The following SGCD variants were observed in gnomAD, a reference collection of about 807,000 sequenced individuals.
The protein encoded by SGCD is delta-sarcoglycan.
Under a neutral mutation model 36.6 loss-of-function variants are expected in SGCD, and 18 were observed. The observed-to-expected ratio is 0.49, with a 90% confidence interval of 0.34 to 0.73. SGCD has a LOEUF of 0.73. SGCD is among the 30% of genes least tolerant of loss of function. The pLI is 0.01. For missense variants in SGCD, 387 were observed against 346.7 expected, an observed-to-expected ratio of 1.12 and a Z score of -0.92; for synonymous variants, 133 against 130.6, an observed-to-expected ratio of 1.02 and a Z score of -0.12.
intron 7 of SGCD, among the ~76,000 whole-genome samples, chr5:156,689,779 G>T (rs371695260): frequency 5.1e-4 from 78 of 152,244 alleles, no homozygotes; most frequent in African/African-American, 1.8e-3. Flanking sequence ...GATTATTCAA[G>T]ATTAAAGATA....
chr5:156,318,929 G>T (rs4705001), intron 3 of SGCD, among the ~76,000 whole-genome samples: 1 of 152,092 alleles, frequency 6.6e-6, no homozygotes, highest in South Asian at 2.1e-4. Flanking sequence ...ACATTCTTTC[G>T]TTAGATGTGC....
chr5:155,991,907 T>C (rs1758439759), intron 1 of SGCD, among the ~76,000 whole-genome samples: 1 of 152,256 alleles, frequency 6.6e-6, no homozygotes, highest in Non-Finnish European at 1.5e-5. Flanking sequence ...GCGATATTTT[T>C]TGATAGCACT....
intron 1 of SGCD, among the ~76,000 whole-genome samples, chr5:155,926,065 C>T (rs2113382785): frequency 6.6e-6 from 1 of 152,196 alleles, no homozygotes; most frequent in South Asian, 2.1e-4. Context: ...GCTTGGCCCC[C>T]AACTTTCATC....
chr5:156,576,480 G>C (rs1247164412), intron 4 of SGCD, among the ~76,000 whole-genome samples: 1 of 152,152 alleles, frequency 6.6e-6, no homozygotes, highest in Non-Finnish European at 1.5e-5. Context: ...TCTAGTTCTA[G>C]ATCCTTGAGG....
At chr5:156,611,380 T>C (rs147739619) in intron 6 of SGCD, among the ~76,000 whole-genome samples, 1 of 152,288 alleles carries the variant, frequency 6.6e-6, no homozygotes, top group East Asian at 1.9e-4. Flanking sequence ...GCATGCTGAG[T>C]ATTGTTTTTT....
intron 1 of SGCD, among the ~76,000 whole-genome samples, chr5:155,961,055 T>C (rs559705790): frequency 3.9e-5 from 6 of 152,222 alleles, no homozygotes; most frequent in African/African-American, 1.2e-4. Context: ...ACACTTTCCT[T>C]TTGTTACAAC....
At chr5:156,206,357 A>G (rs1561564914) in intron 3 of SGCD, among the ~76,000 whole-genome samples, 1 of 151,860 alleles carries the variant, frequency 6.6e-6, no homozygotes, top group Non-Finnish European at 1.5e-5. Context: ...TTGTGGACAT[A>G]TTTTTTTGGA....
chr5:156,526,209 A>C (rs973981426), intron 4 of SGCD, among the ~76,000 whole-genome samples: 2 of 151,990 alleles, frequency 1.3e-5, no homozygotes, highest in Non-Finnish European at 2.9e-5. Context: ...GGAAGGAGGG[A>C]GATAAAGATG....
intron 7 of SGCD, among the ~76,000 whole-genome samples, chr5:156,713,594 C>T (rs1396253557): frequency 6.6e-6 from 1 of 152,136 alleles, no homozygotes; most frequent in African/African-American, 2.4e-5. Flanking sequence ...GTTAATCTTT[C>T]CTAGATCCAG....
At chr5:155,833,886 G>A in the SGCD span, among the ~76,000 whole-genome samples, 1 of 152,208 alleles carries the variant, frequency 6.6e-6, no homozygotes, top group Non-Finnish European at 1.5e-5. Flanking sequence ...AGTGAATACA[G>A]AATGCAAAAT....
At chr5:156,421,640 T>A (rs1400546729) in intron 3 of SGCD, among the ~76,000 whole-genome samples, 1 of 151,998 alleles carries the variant, frequency 6.6e-6, no homozygotes, top group Non-Finnish European at 1.5e-5. Context: ...AGCAGATAGG[T>A]CATATCTCAA....
intron 1 of SGCD, among the ~76,000 whole-genome samples, chr5:156,042,185 G>T (rs1235530558): frequency 7.2e-6 from 1 of 138,438 alleles, no homozygotes; most frequent in Non-Finnish European, 1.5e-5. Flanking sequence ...ATTAAAATAG[G>T]TATTTTTTTT....
intron 1 of SGCD, among the ~76,000 whole-genome samples, chr5:156,035,895 C>T (rs1185973121): frequency 6.6e-6 from 1 of 152,022 alleles, no homozygotes; most frequent in African/African-American, 2.4e-5. Context: ...ATAGTGATAC[C>T]ATCACAAGAA....
At chr5:156,013,441 G>A (rs1758903267) in intron 1 of SGCD, among the ~76,000 whole-genome samples, 1 of 152,190 alleles carries the variant, frequency 6.6e-6, no homozygotes, top group Non-Finnish European at 1.5e-5. Flanking sequence ...TTACACAAGA[G>A]CGTTTGTGCT....
chr5:155,891,571 T>TTTTTTTTTTTTTTTTTTTTTTTTTG, intron 1 of SGCD, among the ~76,000 whole-genome samples: 1 of 144,432 alleles, frequency 6.9e-6, no homozygotes, highest in African/African-American at 2.6e-5. Context: ...TTTTTTTTTT[T>TTTTTTTTTTTTTTTTTTTTTTTTTG]TTTTTTGGTG....
At chr5:156,014,310 T>G (rs935896616) in intron 1 of SGCD, among the ~76,000 whole-genome samples, 1 of 152,164 alleles carries the variant, frequency 6.6e-6, no homozygotes, top group Admixed American at 6.5e-5. Flanking sequence ...TTTAAACTTT[T>G]ATTTTGAAAT....
chr5:156,206,848 G>A (rs1764293796), intron 3 of SGCD, among the ~76,000 whole-genome samples: 1 of 151,796 alleles, frequency 6.6e-6, no homozygotes, highest in Admixed American at 6.6e-5. Context: ...AAAATGCACT[G>A]CCTTATTCAA....
At chr5:155,935,090 C>G (rs142052443) in intron 1 of SGCD, among the ~76,000 whole-genome samples, 79 of 152,268 alleles carry the variant, frequency 5.2e-4, no homozygotes, top group African/African-American at 1.8e-3. Context: ...CCCTAAGTCC[C>G]TAGTGATTTT....
At chr5:156,508,309 T>C (rs1756790020) in intron 3 of SGCD, among the ~76,000 whole-genome samples, 2 of 152,112 alleles carry the variant, frequency 1.3e-5, no homozygotes, top group African/African-American at 4.8e-5. Context: ...CTCCATTCTT[T>C]CTGTGCTGCC....
Sources: allele counts gnomAD v4.1 joint callset (sites outside exome capture counted in the v4.1 genomes callset), GRCh38; gene constraint gnomAD v4.1.1; transcripts MANE v1.5; gene names NCBI Gene and HGNC (gene_info 2026-07-23, HGNC 2026-07-21).